Variants in TENM2 observed in about 807,000 individuals in gnomAD.
The protein encoded by TENM2 is teneurin-2.
A neutral mutation model predicts 245.2 loss-of-function variants in TENM2; 52 were observed. The ratio of observed to expected loss-of-function variants is 0.21; its 90% confidence interval spans 0.17 to 0.27. The LOEUF is 0.27. Ranked by LOEUF, TENM2 falls within the 10% of genes least tolerant of loss-of-function variation. TENM2 has a pLI of 1.00. For missense variants in TENM2, 3,046 were observed against 3,666.8 expected (o/e 0.83, Z 4.37); for synonymous variants, 1,363 against 1,438.9 (o/e 0.95, Z 1.19).
chr5:167,915,289 T>C (rs1384224223), intron 3 of TENM2, among the ~76,000 whole-genome samples: 2 of 151,854 alleles, frequency 1.3e-5, no homozygotes, highest in Non-Finnish European at 2.9e-5. Flanking sequence ...TCAGAAAGGG[T>C]TGTAGTCCAC....
At chr5:167,210,791 A>C in the TENM2 span, among the ~76,000 whole-genome samples, 1 of 152,126 alleles carries the variant, frequency 6.6e-6, no homozygotes, top group Admixed American at 6.5e-5. Context: ...GCCTTCCTCT[A>C]CATGCATTTT....
At position 167,647,298 on chromosome 5, in the gene TENM2, G is replaced by A. The variant is rs144293360; in HGVS notation, c.503-228688G>A. 4.3e-4 allele frequency among the ~76,000 whole-genome samples: 66 copies of A among 152,246 alleles called. 1 individual carries two copies. The East Asian group carries it at 0.012, about 28-fold the overall frequency. On this transcript the variant is annotated intron_variant, in intron 2 of 28. Transcript: ENST00000518659. ...GCCATTGACAGAGACTGTTGAGAAC[G>A]ATGACTCCACTGACAAAGCAGGACC...
rs116742614 is a variant in TENM2, at chr5:168,135,624, G to A, written c.2422+8658G>A. Among the ~76,000 whole-genome samples, 1,416 of 151,988 alleles carry A rather than the reference G, an allele frequency of 9.3e-3. 19 individuals carry two copies. Among genetic ancestry groups the A allele is most frequent in the African/African-American group, 0.032 (1,331 of 41,432 alleles). On this transcript the variant is annotated intron_variant, in intron 12 of 28. Transcript: ENST00000518659. ...AACCCACACAAAATAGCAGCTACAC[G>A]AAATTTAAGTATTTCATCATAAACA...
At chr5:167,660,828 C>T (rs1755165256) in intron 2 of TENM2, among the ~76,000 whole-genome samples, 1 of 152,086 alleles carries the variant, frequency 6.6e-6, no homozygotes, top group African/African-American at 2.4e-5. Flanking sequence ...TTATATGTAT[C>T]AGCCATATTT....
chr5:168,146,401 C>A (rs901000470), intron 12 of TENM2, among the ~76,000 whole-genome samples: 1 of 152,054 alleles, frequency 6.6e-6, no homozygotes, highest in African/African-American at 2.4e-5. Context: ...ATTTCTAGAG[C>A]CTCAACAGAA....
chr5:167,807,154 A>AG (rs1221337921), intron 2 of TENM2, among the ~76,000 whole-genome samples: 9 of 142,448 alleles, frequency 6.3e-5, no homozygotes, highest in African/African-American at 7.8e-5. Flanking sequence ...AAAAAAAAAA[A>AG]AAGAAGAAGA....
intron 1 of TENM2, among the ~76,000 whole-genome samples, chr5:167,372,845 C>T (rs2127302142): frequency 1.3e-5 from 2 of 152,300 alleles, no homozygotes; most frequent in Middle Eastern, 6.8e-3. Context: ...TACACACATA[C>T]ACACATACTC....
chr5:167,755,926 C>A (rs56844394), intron 2 of TENM2, among the ~76,000 whole-genome samples: 4,784 of 152,108 alleles, frequency 0.031, 254 homozygotes, highest in East Asian at 0.18. Context: ...GTGGTAATAA[C>A]CCCTCACTTT....
chr5:167,712,847 T>C (rs1758999437), intron 2 of TENM2, among the ~76,000 whole-genome samples: 1 of 152,200 alleles, frequency 6.6e-6, no homozygotes, highest in Non-Finnish European at 1.5e-5. Flanking sequence ...AGTATATTTC[T>C]TTCGGCAAAC....
chr5:167,307,072 C>A (rs543023517), intron 1 of TENM2, among the ~76,000 whole-genome samples: 2 of 152,270 alleles, frequency 1.3e-5, no homozygotes, highest in East Asian at 3.9e-4. Flanking sequence ...CCATACTCCC[C>A]GCAACACTGG....
At chr5:167,290,911 A>G (rs1159511704) in intron 1 of TENM2, among the ~76,000 whole-genome samples, 1 of 152,190 alleles carries the variant, frequency 6.6e-6, no homozygotes, top group African/African-American at 2.4e-5. Context: ...ATCCATATAA[A>G]TGCTGGATAA....
intron 2 of TENM2, among the ~76,000 whole-genome samples, chr5:167,712,522 A>G (rs1758976747): frequency 6.6e-6 from 1 of 152,162 alleles, no homozygotes; most frequent in Non-Finnish European, 1.5e-5. Flanking sequence ...TCATGCCACA[A>G]TCCCCTTTGT....
chr5:168,185,723 T>C (rs1020023869), intron 13 of TENM2, among the ~76,000 whole-genome samples: 16 of 151,812 alleles, frequency 1.1e-4, no homozygotes, highest in Admixed American at 6.6e-5. Context: ...AACCTATCAC[T>C]GTTTGGAAAT....
intron 3 of TENM2, among the ~76,000 whole-genome samples, chr5:167,888,729 C>T (rs1774497978): frequency 1.3e-5 from 2 of 152,072 alleles, no homozygotes; most frequent in African/African-American, 4.8e-5. Flanking sequence ...CCTTTGATTC[C>T]CCCAGGGCCA....
chr5:168,023,368 C>T (rs772859403), intron 5 of TENM2, among the ~76,000 whole-genome samples: 17 of 152,126 alleles, frequency 1.1e-4, no homozygotes, highest in East Asian at 1.9e-4. Context: ...TAGCAAAGCC[C>T]GAGTGTGATG....
chr5:167,817,482 T>C (rs192068575), intron 2 of TENM2, among the ~76,000 whole-genome samples: 2 of 152,342 alleles, frequency 1.3e-5, no homozygotes, highest in Admixed American at 6.5e-5. Context: ...AGACAGCCTT[T>C]ATAAAATATG....
intron 2 of TENM2, among the ~76,000 whole-genome samples, chr5:167,637,080 A>T (rs1035066833): frequency 1.3e-5 from 2 of 152,206 alleles, no homozygotes; most frequent in Admixed American, 1.3e-4. Context: ...AAACAAAATC[A>T]TCTATGATTT....
chr5:167,087,243 T>TA, the TENM2 span, among the ~76,000 whole-genome samples: 4 of 152,144 alleles, frequency 2.6e-5, no homozygotes, highest in African/African-American at 9.7e-5. Flanking sequence ...GTCCCTCCTA[T>TA]AAAAATGTTC....
At chr5:168,167,997 T>C (rs1313607771) in intron 13 of TENM2, among the ~76,000 whole-genome samples, 1 of 152,192 alleles carries the variant, frequency 6.6e-6, no homozygotes, top group African/African-American at 2.4e-5. Flanking sequence ...TTCATATAGA[T>C]GGAACCCAAC....
Sources: allele counts gnomAD v4.1 joint callset (sites outside exome capture counted in the v4.1 genomes callset), GRCh38; gene constraint gnomAD v4.1.1; transcripts MANE v1.5; gene names NCBI Gene and HGNC (gene_info 2026-07-23, HGNC 2026-07-21).